MSL3: variants seen among roughly 807,000 people sequenced by gnomAD.
The protein encoded by MSL3 is MSL complex subunit 3.
MSL3 carries 5 observed loss-of-function variants against 37.2 expected under a neutral mutation model. The ratio of observed to expected loss-of-function variants is 0.13; its 90% CI spans 0.07 to 0.28. The LOEUF (loss-of-function observed/expected upper bound fraction) is 0.28, where lower values mean the gene tolerates loss of function less well. Among genes scored for constraint, MSL3 ranks in the 10% least tolerant of loss-of-function variants. MSL3 has a pLI of 1.00. For missense variants in MSL3, 315 were observed against 408.5 expected (o/e 0.77, Z 1.97); for synonymous variants, 149 against 147.6 (o/e 1.01, Z -0.07).
In MSL3 at chrX:11,760,940, G is replaced by C; in HGVS notation, c.382+3G>C. 8.7e-7 allele frequency: 1 copy of C among 1,154,137 alleles called. No homozygotes were observed. The highest frequency in any genetic ancestry group is 1.2e-6 in the Non-Finnish European group (1 of 854,374). Reference sequence around the variant, plus strand: ...AAAAGATGAAAATGATGAAAACTGTGAGTAGCTTCACTTCATTTCTTTTGG... The same window carrying C: ...AAAAGATGAAAATGATGAAAACTGTCAGTAGCTTCACTTCATTTCTTTTGG... On this transcript the variant is annotated splice_donor_region_variant and intron_variant, in intron 4 of 12. Coordinates refer to ENST00000312196, the MANE Select transcript of MSL3 (RefSeq NM_078629.4).
chrX:11,771,791 G>C (rs1229141380), intron 10 of MSL3, among the ~76,000 whole-genome samples: 1 of 111,919 alleles, frequency 8.9e-6, no homozygotes, highest in Non-Finnish European at 1.9e-5. Flanking sequence ...ATGTTGGCCA[G>C]GCTGGTCTCA....
In MSL3 at chrX:11,762,725, C is replaced by T. The variant is rs754941932; in HGVS notation, c.589-112C>T. The T allele has an allele frequency of 1.2e-3, 859 of 728,318 alleles. 2 individuals are homozygous for T. Among genetic ancestry groups the T allele is most frequent in the South Asian group, 1.8e-3 (60 of 33,613 alleles). The allele number at this position is 728,318 out of a possible 1,213,427, so 60.0% of individuals were successfully genotyped here. A position where few individuals can be genotyped will look rare whatever the true frequency, so the allele number is the denominator to read the frequency against. On this transcript the variant is annotated intron_variant, in intron 6 of 12. Coordinates refer to ENST00000312196, the MANE Select transcript of MSL3 (RefSeq NM_078629.4). Reference sequence around the variant, plus strand: ...AGAAGTTCTATTCAAACAGAATTGGCTTTGGTTTATTTTTGAGTTAAAAAA... The same window carrying T: ...AGAAGTTCTATTCAAACAGAATTGGTTTTGGTTTATTTTTGAGTTAAAAAA...
intron 9 of MSL3, chrX:11,767,891 G>A: frequency 2.7e-6 from 2 of 754,474 alleles, no homozygotes; most frequent in South Asian, 1.3e-4. Flanking sequence ...TTGGTTGATT[G>A]AAGATTGAAA....
intron 10 of MSL3, 176 bp downstream of exon 10, chrX:11,768,858 ATT>A (rs2053208483): frequency 2.4e-6 from 1 of 410,520 alleles, no homozygotes; most frequent in Admixed American, 4.4e-5. Context: ...AAGTGAGAAA[ATT>A]GTTAGGATTC....
At chrX:11,758,535 G>T (rs778219279) in intron 1 of MSL3, 170 bp downstream of exon 1, 1 of 1,069,094 alleles carries the variant, frequency 9.4e-7, no homozygotes, top group South Asian at 2.5e-5. Flanking sequence ...CCGGGAGTCG[G>T]GGCGGGGTCT....
At position 11,765,871 on chromosome X, in the gene MSL3, T is replaced by C. The variant is rs1230712727; in HGVS notation, c.1171+142T>C. ...ATGTCCAAAGTGCTGTCATGCTGCC[T>C]GCTTTCTGGAGCTGTAGAAAGTTGA... is the stretch of plus-strand genomic sequence containing the variant. On this transcript the variant is annotated intron_variant, in intron 9 of 12. Coordinates refer to ENST00000312196, the MANE Select transcript of MSL3 (RefSeq NM_078629.4). 2.7e-6 allele frequency: 3 copies of C among 1,116,315 alleles called. No homozygotes were observed. The East Asian group carries it at 9.1e-5, about 34-fold the overall frequency. The allele number at this position is 1,116,315 out of a possible 1,213,427, so 92.0% of individuals were successfully genotyped here.
In MSL3 at chrX:11,768,632, A is replaced by G; in HGVS notation, c.1231A>G (p.Ser411Gly). ...TCCTCTGACTCCTAGCAAGGAAGGG[A>G]GTGCTGTGTTTGCTGGCTTTGAAGG... ...PIPLTPSKEG[S>G]AVFAGFEGRR... Residue 411 changes from serine (S) to glycine (G), a missense_variant, in exon 10 of 13, where the codon AGT becomes GGT. Physicochemically the swap from Ser to Gly is moderately conservative, Grantham distance 56 (BLOSUM62 0). Transcript: ENST00000312196. 8.3e-7 allele frequency: 1 copy of G among 1,208,252 alleles called. No individual in the cohort carries two copies.
At chrX:11,772,874 G>A (rs1387404340) in intron 12 of MSL3, among the ~76,000 whole-genome samples, 169 bp downstream of exon 12, 2 of 111,235 alleles carry the variant, frequency 1.8e-5, no homozygotes, top group East Asian at 2.8e-4. Flanking sequence ...GGTTTTTTTG[G>A]TATTTCTTTT....
intron 8 of MSL3, among the ~76,000 whole-genome samples, chrX:11,765,149 A>G (rs2053168440): frequency 8.9e-6 from 1 of 112,318 alleles, no homozygotes; most frequent in African/African-American, 3.2e-5. Flanking sequence ...TAGCAGAATT[A>G]GTGGCCTTCA....
At chrX:11,768,097 T>C (rs773291260) in intron 9 of MSL3, 1 of 232,838 alleles carries the variant, frequency 4.3e-6, no homozygotes, top group Non-Finnish European at 6.2e-6. Context: ...CATCCACATA[T>C]ACAGTTCAAT....
rs1301113475 is a variant in MSL3, at chrX:11,775,745, T to G, written c.*666T>G. 8.9e-6 allele frequency: 1 copy of G among 112,926 alleles called. No homozygotes were observed. Among genetic ancestry groups the G allele is most frequent in the Non-Finnish European group, 1.9e-5 (1 of 53,379 alleles). 9.3% of individuals were successfully genotyped at this position (112,926 alleles called of 1,213,427 possible). A position where few individuals can be genotyped will look rare whatever the true frequency, so the allele number is the denominator to read the frequency against. On this transcript the variant is annotated 3_prime_UTR_variant, in exon 13 of 13. Transcript: ENST00000312196. ...GTGATCTAAATAAAGCCTGTCTTGT[T>G]TGAAAGAACCAGGAGAGAGAGTTTT...
Position 11,761,494 on chromosome X carries a change from A to G in MSL3, c.383-6A>G, listed in dbSNP as rs1213130871. ...CGAGTTTACCGGATGCTTTTGTTTC[A>G]CCTAGCATTAAGCAGTTCCTCTGAC... is the stretch of plus-strand genomic sequence containing the variant. On this transcript the variant is annotated splice_polypyrimidine_tract_variant and splice_region_variant and intron_variant, in intron 4 of 12. Transcript: ENST00000312196. The G allele has an allele frequency of 8.5e-6, 10 of 1,177,649 alleles. No individual in the cohort carries two copies. Among genetic ancestry groups the G allele is most frequent in the Non-Finnish European group, 1.1e-5 (10 of 872,203 alleles).
At chrX:11,770,408 A>G (rs773808324) in intron 10 of MSL3, among the ~76,000 whole-genome samples, 3 of 112,171 alleles carry the variant, frequency 2.7e-5, no homozygotes, top group South Asian at 3.7e-4. Context: ...TGAGTTGTCA[A>G]GTAAGGGCTA....
At chrX:11,772,393 CAAAGA>C in intron 11 of MSL3, 138 bp downstream of exon 11, 1 of 512,827 alleles carries the variant, frequency 1.9e-6, no homozygotes, top group Non-Finnish European at 3.2e-6. Context: ...AGTAATCTAT[CAAAGA>C]AAAGGCATTG....
intron 10 of MSL3, among the ~76,000 whole-genome samples, chrX:11,770,072 G>T (rs1465526307): frequency 8.9e-6 from 1 of 112,833 alleles, no homozygotes; most frequent in Admixed American, 9.3e-5. Context: ...TAAACAAAGG[G>T]GTGTGGCTCT....
At position 11,758,714 on chromosome X, in the gene MSL3, CCTT is replaced by C. The variant is rs781345723; in HGVS notation, c.102+352_102+354del. On this transcript the variant is annotated intron_variant, in intron 1 of 12. Transcript: ENST00000312196. ...GTTTCTGTCTTCGCGTTAAATGTCT[CCTT>C]CTGTGCGGCCTGGTGCCGGGTGGGC... is the stretch of plus-strand genomic sequence containing the variant. 6.2e-5 allele frequency: 72 copies of C among 1,165,851 alleles called. No homozygotes were observed. In the East Asian group the frequency reaches 2.1e-3, roughly 33 times the overall value.
chrX:11,772,018 T>G, intron 10 of MSL3, 138 bp from the exon 11 acceptor site: 2 of 474,659 alleles, frequency 4.2e-6, no homozygotes, highest in Non-Finnish European at 7.3e-6. Context: ...TTCATCTTTG[T>G]TTTTTGTAAG....
At chrX:11,765,835 G>C (rs368111791) in intron 9 of MSL3, 106 bp downstream of exon 9, 31 of 1,132,526 alleles carry the variant, frequency 2.7e-5, no homozygotes, top group Non-Finnish European at 3.5e-5. Flanking sequence ...TGTACAGTGC[G>C]TGTGATTCCC....
chrX:11,758,500 AG>A (rs1343844233), intron 1 of MSL3, 135 bp downstream of exon 1: 1 of 1,003,337 alleles, frequency 1.0e-6, no homozygotes, highest in Non-Finnish European at 1.3e-6. Context: ...TGCGGCCGGC[AG>A]GGGGCGCTCA....
Sources: gnomAD v4.1 joint callset for allele counts (sites outside exome capture counted in the v4.1 genomes callset) on GRCh38, gnomAD v4.1.1 for gene constraint, MANE v1.5 for transcripts, NCBI Gene and HGNC (gene_info 2026-07-23, HGNC 2026-07-21) for gene names.